HIVEP3: variants seen among roughly 807,000 people sequenced by gnomAD.
HIVEP3 encodes HIVEP zinc finger 3, also known as transcription factor HIVEP3.
Under a neutral mutation model 152.8 loss-of-function variants are expected in HIVEP3, and 49 were observed. That is an observed-to-expected ratio of 0.32 (90% CI 0.26 to 0.41). The LOEUF is 0.41. Among genes scored for constraint, HIVEP3 ranks in the 10% least tolerant of loss-of-function variants. The pLI, the probability that HIVEP3 is intolerant of heterozygous loss-of-function variation, is 1.00. For missense variants in HIVEP3, 2,790 were observed against 3,103.3 expected, an observed-to-expected ratio of 0.90 and a Z score of 2.40; for synonymous variants, 1,269 against 1,289.0, an observed-to-expected ratio of 0.98 and a Z score of 0.33.
At chr1:41,623,596 T>G (rs975424986) in intron 3 of HIVEP3, among the ~76,000 whole-genome samples, 18 of 152,206 alleles carry the variant, frequency 1.2e-4, no homozygotes, top group Non-Finnish European at 2.5e-4. Context: ...CTCTCTTCCT[T>G]GCACCCACTG....
intron 2 of HIVEP3, among the ~76,000 whole-genome samples, chr1:41,676,283 C>T (rs910415135): frequency 3.3e-5 from 5 of 152,196 alleles, no homozygotes; most frequent in Admixed American, 3.3e-4. Context: ...AACTCCTGAC[C>T]TCGTGATCCA....
chr1:41,617,710 C>T (rs1644989335), intron 3 of HIVEP3, among the ~76,000 whole-genome samples: 1 of 152,236 alleles, frequency 6.6e-6, no homozygotes, highest in African/African-American at 2.4e-5. Context: ...AGGATTCAGA[C>T]TTCTCATCTT....
chr1:41,825,765 C>T (rs754272145), intron 1 of HIVEP3, among the ~76,000 whole-genome samples: 1 of 152,024 alleles, frequency 6.6e-6, no homozygotes, highest in Non-Finnish European at 1.5e-5. Context: ...TGCCACCATG[C>T]CTGGCTAAGT....
At chr1:41,710,711 C>T (rs1452984141) in intron 1 of HIVEP3, among the ~76,000 whole-genome samples, 1 of 152,224 alleles carries the variant, frequency 6.6e-6, no homozygotes, top group Non-Finnish European at 1.5e-5. Flanking sequence ...CAAGGCCAAG[C>T]ACCCACCTTA....
intron 1 of HIVEP3, among the ~76,000 whole-genome samples, chr1:41,723,643 A>C (rs988089965): frequency 6.6e-6 from 1 of 152,196 alleles, no homozygotes; most frequent in Non-Finnish European, 1.5e-5. Context: ...ATGAGCACTC[A>C]TTAGCAGTCA....
intron 1 of HIVEP3, among the ~76,000 whole-genome samples, chr1:41,976,341 G>A (rs1190180334): frequency 1.3e-5 from 2 of 152,170 alleles, no homozygotes; most frequent in African/African-American, 2.4e-5. Context: ...ATTGGCTCAG[G>A]TGGAAGCATT....
chr1:41,678,071 G>C (rs1475237715), intron 2 of HIVEP3, among the ~76,000 whole-genome samples: 1 of 152,200 alleles, frequency 6.6e-6, no homozygotes, highest in Non-Finnish European at 1.5e-5. Flanking sequence ...CTAAAAAAAT[G>C]CTGCTCTGAA....
intron 1 of HIVEP3, among the ~76,000 whole-genome samples, chr1:41,960,829 A>G (rs562583883): frequency 6.6e-6 from 1 of 152,186 alleles, no homozygotes; most frequent in South Asian, 2.1e-4. Flanking sequence ...CTCCCCCTCC[A>G]CTGTGGGCAG....
At chr1:41,642,780 C>G (rs1645394749) in intron 2 of HIVEP3, among the ~76,000 whole-genome samples, 1 of 152,122 alleles carries the variant, frequency 6.6e-6, no homozygotes, top group Admixed American at 6.5e-5. Flanking sequence ...TGGTGAAGAT[C>G]AATCTGCAGC....
rs56223858 is a variant in HIVEP3, at chr1:41,806,984, C to G, written c.-800-105989G>C. 2.8e-3 allele frequency among the ~76,000 whole-genome samples: 422 copies of G among 150,680 alleles called. 4 individuals are homozygous for G. Among genetic ancestry groups the G allele is most frequent in the Non-Finnish European group, 2.4e-3 (159 of 67,606 alleles). On this transcript the variant is annotated intron_variant, in intron 1 of 8. Transcript: ENST00000372583. ...TTAGGTCACTGGGTCATCGAGTAAG[C>G]AGTGGGGGCCACAGGGTGCAGTTTC... is the stretch of plus-strand genomic sequence containing the variant.
chr1:41,751,677 C>T (rs1441401496), intron 1 of HIVEP3, among the ~76,000 whole-genome samples: 1 of 152,092 alleles, frequency 6.6e-6, no homozygotes, highest in Non-Finnish European at 1.5e-5. Context: ...ATGCTACTGC[C>T]CTTTGGGACA....
chr1:41,971,593 C>T (rs762086422), intron 1 of HIVEP3, among the ~76,000 whole-genome samples: 5 of 152,176 alleles, frequency 3.3e-5, no homozygotes, highest in Admixed American at 3.3e-4. Context: ...CCCCAGACCC[C>T]ACCTGGCAGC....
intron 1 of HIVEP3, among the ~76,000 whole-genome samples, chr1:41,836,225 C>A (rs563988491): frequency 6.6e-6 from 1 of 152,244 alleles, no homozygotes; most frequent in Non-Finnish European, 1.5e-5. Flanking sequence ...GAGCCCTCTG[C>A]CCCGCAGACT....
At chr1:41,522,030 G>A (rs1227052299) in intron 6 of HIVEP3, among the ~76,000 whole-genome samples, 3 of 152,260 alleles carry the variant, frequency 2.0e-5, no homozygotes, top group Non-Finnish European at 2.9e-5. Context: ...TGACACAAGA[G>A]ACGAGACACA....
intron 2 of HIVEP3, among the ~76,000 whole-genome samples, chr1:41,641,197 G>A (rs781072492): frequency 7.2e-5 from 11 of 152,206 alleles, no homozygotes; most frequent in Non-Finnish European, 1.3e-4. Context: ...TGGAGGCCTC[G>A]GGAGATCCCG....
At chr1:41,551,858 A>C (rs566039245) in intron 5 of HIVEP3, among the ~76,000 whole-genome samples, 4 of 151,802 alleles carry the variant, frequency 2.6e-5, no homozygotes, top group Non-Finnish European at 5.9e-5. Context: ...TTTTCTGAAG[A>C]GTTTTTGTGT....
intron 5 of HIVEP3, among the ~76,000 whole-genome samples, chr1:41,553,712 C>T (rs1391919173): frequency 6.6e-6 from 1 of 152,160 alleles, no homozygotes; most frequent in Non-Finnish European, 1.5e-5. Context: ...AAAAATCTCT[C>T]AGCATTTGCT....
intron 1 of HIVEP3, among the ~76,000 whole-genome samples, chr1:41,899,476 G>A (rs780686132): frequency 6.6e-6 from 1 of 152,036 alleles, no homozygotes; most frequent in South Asian, 2.1e-4. Flanking sequence ...GTGCAATCTC[G>A]GCTCACTGCA....
chr1:41,920,109 C>T (rs915376424), upstream of HIVEP3, among the ~76,000 whole-genome samples: 1 of 152,174 alleles, frequency 6.6e-6, no homozygotes, highest in African/African-American at 2.4e-5. Context: ...CCCCTCCCAG[C>T]GACACACACA....
Sources: allele counts gnomAD v4.1 joint callset (sites outside exome capture counted in the v4.1 genomes callset), GRCh38; gene constraint gnomAD v4.1.1; transcripts MANE v1.5; gene names NCBI Gene and HGNC (gene_info 2026-07-23, HGNC 2026-07-21).